Variants in GRIK2 observed in about 807,000 individuals in gnomAD.
The protein encoded by GRIK2 is glutamate ionotropic receptor kainate type subunit 2, also known as glutamate receptor ionotropic, kainate 2.
Under a neutral mutation model 100.3 loss-of-function variants are expected in GRIK2, and 32 were observed. The ratio of observed to expected loss-of-function variants is 0.32; its 90% CI spans 0.24 to 0.43. The LOEUF is 0.43. Ranked by LOEUF, GRIK2 falls within the 20% of genes least tolerant of loss-of-function variation. GRIK2 has a pLI of 1.00. For synonymous variants in GRIK2, 417 were observed against 389.4 expected (o/e 1.07, Z -0.83); for missense variants, 843 against 1,114.9 (o/e 0.76, Z 3.47).
At chr6:101,415,625 C>T (rs1235722073) in intron 2 of GRIK2, among the ~76,000 whole-genome samples, 2 of 152,060 alleles carry the variant, frequency 1.3e-5, no homozygotes, top group Non-Finnish European at 2.9e-5. Context: ...CCGCCTCGGC[C>T]TCCCAAAGTG....
chr6:101,677,314 C>A (rs1003654971), intron 5 of GRIK2, among the ~76,000 whole-genome samples: 1 of 152,076 alleles, frequency 6.6e-6, no homozygotes, highest in Non-Finnish European at 1.5e-5. Context: ...AGTAACTTGA[C>A]CAATGTCAAG....
At chr6:101,856,381 T>C (rs940014632) in intron 10 of GRIK2, among the ~76,000 whole-genome samples, 1 of 152,198 alleles carries the variant, frequency 6.6e-6, no homozygotes, top group Non-Finnish European at 1.5e-5. Context: ...TGTAATATAA[T>C]GTCTATGAGA....
chr6:101,918,914 A>G (rs536212215), intron 12 of GRIK2, among the ~76,000 whole-genome samples: 1 of 151,896 alleles, frequency 6.6e-6, no homozygotes, highest in African/African-American at 2.4e-5. Flanking sequence ...GATATTTGAA[A>G]CAGATCAACT....
intron 7 of GRIK2, among the ~76,000 whole-genome samples, chr6:101,711,537 A>G (rs1383533651): frequency 6.6e-6 from 1 of 151,806 alleles, no homozygotes; most frequent in Non-Finnish European, 1.5e-5. Context: ...AGGATGATTG[A>G]GTTTAAATAG....
chr6:101,783,258 TAGTG>T (rs539049304), intron 7 of GRIK2, among the ~76,000 whole-genome samples: 122 of 152,230 alleles, frequency 8.0e-4, no homozygotes, highest in African/African-American at 2.6e-3. Context: ...GTTCTCATGA[TAGTG>T]AGGGAGTTCT....
chr6:101,909,381 T>TTTTTTTTG (rs1562480959), intron 12 of GRIK2, among the ~76,000 whole-genome samples: 1 of 136,126 alleles, frequency 7.3e-6, no homozygotes, highest in African/African-American at 2.9e-5. Context: ...GTTTTCTTTT[T>TTTTTTTTG]CTTTTTTTTT....
rs144315671 is a variant in GRIK2 at position 101,943,710 on chromosome 6, C to A, written c.2085+15078C>A. On this transcript the variant is annotated intron_variant, in intron 14 of 16. Transcript: ENST00000369134. ...AGCCCCTTAGTCTTGACCAGTTTTT[C>A]CCTGTTGCAATGGGAGCATTTACCC... 3.9e-5 allele frequency among the ~76,000 whole-genome samples: 6 copies of A among 152,308 alleles called. 2 individuals are homozygous for A. The highest frequency in any genetic ancestry group is 1.4e-4 in the African/African-American group (6 of 41,580).
At chr6:101,544,601 C>T (rs927790278) in intron 2 of GRIK2, among the ~76,000 whole-genome samples, 1 of 152,116 alleles carries the variant, frequency 6.6e-6, no homozygotes, top group Non-Finnish European at 1.5e-5. Context: ...GGCTCTGTAC[C>T]TGTAGTATAC....
At chr6:101,869,739 T>G (rs1422851995) in intron 11 of GRIK2, among the ~76,000 whole-genome samples, 1 of 151,450 alleles carries the variant, frequency 6.6e-6, no homozygotes, top group Non-Finnish European at 1.5e-5. Flanking sequence ...GAGACAGGAG[T>G]GGATTCAAAT....
At chr6:101,996,993 A>T (rs938009196) in intron 14 of GRIK2, among the ~76,000 whole-genome samples, 1 of 152,100 alleles carries the variant, frequency 6.6e-6, no homozygotes, top group Non-Finnish European at 1.5e-5. Context: ...AACATCTGTT[A>T]TTTGAGTTGT....
chr6:101,830,563 C>T (rs1782612442), intron 10 of GRIK2, among the ~76,000 whole-genome samples: 1 of 151,946 alleles, frequency 6.6e-6, no homozygotes, highest in Admixed American at 6.6e-5. Context: ...TATGAACTGG[C>T]ACTTCTCAAA....
chr6:101,947,738 G>A (rs1791367151), intron 14 of GRIK2, among the ~76,000 whole-genome samples: 2 of 152,168 alleles, frequency 1.3e-5, no homozygotes, highest in South Asian at 2.1e-4. Flanking sequence ...TGAGAGGTCC[G>A]CACCATGATC....
In GRIK2 at chr6:101,467,115, A is replaced by G. The variant is rs554545293; in HGVS notation, c.115+67723A>G. ...TATACCCTTTTCCAGCAACAGAAGT[A>G]TGTTTTTATTGTATAATTTAAAGCC... On this transcript the variant is annotated intron_variant, in intron 2 of 16. Coordinates refer to ENST00000369134, the MANE Select transcript of GRIK2 (RefSeq NM_021956.5). Among the ~76,000 whole-genome samples, 7 of 152,314 alleles carry G rather than the reference A, an allele frequency of 4.6e-5. No homozygotes were observed. In the East Asian group the frequency reaches 1.4e-3, roughly 29 times the overall value.
At chr6:101,757,055 T>A (rs950482650) in intron 7 of GRIK2, among the ~76,000 whole-genome samples, 2 of 152,100 alleles carry the variant, frequency 1.3e-5, no homozygotes, top group African/African-American at 4.8e-5. Flanking sequence ...TCCAGAAAAA[T>A]CTTGCTTTAA....
chr6:102,062,654 G>C (rs1013244935), intron 16 of GRIK2, among the ~76,000 whole-genome samples: 1 of 150,316 alleles, frequency 6.7e-6, no homozygotes, highest in Non-Finnish European at 1.5e-5. Context: ...TTTAACATGA[G>C]TGATTTAGCC....
At chr6:101,781,559 A>G (rs2128402036) in intron 7 of GRIK2, among the ~76,000 whole-genome samples, 1 of 152,312 alleles carries the variant, frequency 6.6e-6, no homozygotes, top group Admixed American at 6.5e-5. Context: ...ACACATATGC[A>G]TACATACACA....
chr6:101,985,909 C>T lies in GRIK2; in HGVS notation c.2086-49432C>T, dbSNP rs9498793. ...ATTTTCCCCTCATTACAAAATTATG[C>T]CATATACCTTTCTAAAAAGAGAAAA... On this transcript the variant is annotated intron_variant, in intron 14 of 16. Transcript: ENST00000369134. Among the ~76,000 whole-genome samples, 519 of 151,632 alleles carry T rather than the reference C, an allele frequency of 3.4e-3. 2 individuals are homozygous for T. Among genetic ancestry groups the T allele is most frequent in the African/African-American group, 0.012 (501 of 41,428 alleles).
Position 102,044,877 on chromosome 6 carries a change from TC to T in GRIK2, c.2311+9312del, listed in dbSNP as rs556996430. Among the ~76,000 whole-genome samples the T allele has an allele frequency of 1.7e-4, 26 of 152,160 alleles. No individual in the cohort carries two copies. In the South Asian group the frequency reaches 5.4e-3, roughly 32 times the overall value. On this transcript the variant is annotated intron_variant, in intron 15 of 16. Coordinates refer to ENST00000369134, the MANE Select transcript of GRIK2 (RefSeq NM_021956.5). ...AATTTCTTATGCTGACCTTTTCATC[TC>T]TTTACACACTTTTCCTAGGCTGCCA... is the stretch of plus-strand genomic sequence containing the variant.
At chr6:101,678,005 C>T (rs1770967464) in intron 5 of GRIK2, among the ~76,000 whole-genome samples, 1 of 152,060 alleles carries the variant, frequency 6.6e-6, no homozygotes, top group Non-Finnish European at 1.5e-5. Context: ...ACTAAGATTA[C>T]TACTGAACTC....
Sources: allele counts gnomAD v4.1 joint callset (sites outside exome capture counted in the v4.1 genomes callset), GRCh38; gene constraint gnomAD v4.1.1; transcripts MANE v1.5; gene names NCBI Gene and HGNC (gene_info 2026-07-23, HGNC 2026-07-21).